The following CYB5B variants were observed in gnomAD, a reference collection of about 807,000 sequenced individuals.
CYB5B encodes cytochrome b5 type B (outer mitochondrial membrane).
CYB5B carries 14 observed loss-of-function variants against 21.3 expected under a neutral mutation model. The observed-to-expected ratio is 0.66, with a 90% CI of 0.43 to 1.03. The LOEUF (loss-of-function observed/expected upper bound fraction) is 1.03. CYB5B is among the 50% of genes least tolerant of loss of function. The pLI is 0.00. For synonymous variants in CYB5B, 69 were observed against 68.4 expected (o/e 1.01, Z -0.04); for missense variants, 166 against 185.1 (o/e 0.90, Z 0.60).
chr16:69,434,862 C>T (rs944276438), intron 1 of CYB5B, among the ~76,000 whole-genome samples: 4 of 116,646 alleles, frequency 3.4e-5, no homozygotes, highest in Non-Finnish European at 5.1e-5. Context: ...GACTTCATCT[C>T]AAAAAAAAAA....
At chr16:69,458,584 A>G (rs1830980966) in intron 3 of CYB5B, among the ~76,000 whole-genome samples, 2 of 152,110 alleles carry the variant, frequency 1.3e-5, no homozygotes, top group African/African-American at 4.8e-5. Flanking sequence ...GTCTCCTGTC[A>G]TAATTATTAT....
chr16:69,424,972 A>C, intron 1 of CYB5B, 115 bp downstream of exon 1: 1 of 1,137,884 alleles, frequency 8.8e-7, no homozygotes, highest in Non-Finnish European at 1.2e-6. Flanking sequence ...AGGCGTAAGA[A>C]AGGGATCACG....
rs142268659 is a variant in CYB5B, at chr16:69,458,219, C to T, written c.334-874C>T. Among the ~76,000 whole-genome samples, 5 of 152,270 alleles carry T rather than the reference C, an allele frequency of 3.3e-5. No homozygotes were observed. The East Asian group carries it at 9.6e-4, about 29-fold the overall frequency. On this transcript the variant is annotated intron_variant, in intron 3 of 4. Coordinates refer to ENST00000307892, the MANE Select transcript of CYB5B (RefSeq NM_030579.3). ...AATGGTTTTTAGTGTATTTACAGAACTGTGCAGTCTATTTTAGAACAATTT... is the reference window on the plus strand; with the variant it reads ...AATGGTTTTTAGTGTATTTACAGAATTGTGCAGTCTATTTTAGAACAATTT...
chr16:69,431,381 T>C (rs1165597381), intron 1 of CYB5B, among the ~76,000 whole-genome samples: 1 of 152,232 alleles, frequency 6.6e-6, no homozygotes, highest in East Asian at 1.9e-4. Flanking sequence ...CCAACAAATA[T>C]TTGTTAAGTT....
intron 1 of CYB5B, among the ~76,000 whole-genome samples, chr16:69,433,597 T>A (rs1040489749): frequency 7.2e-5 from 11 of 152,222 alleles, no homozygotes; most frequent in African/African-American, 2.7e-4. Context: ...AGTATCCTAT[T>A]GATAAACATT....
chr16:69,446,710 A>C (rs2014881672), intron 1 of CYB5B, among the ~76,000 whole-genome samples: 1 of 152,260 alleles, frequency 6.6e-6, no homozygotes, highest in Non-Finnish European at 1.5e-5. Flanking sequence ...CTTTGCCTGG[A>C]GTCCTTAGTC....
chr16:69,445,494 A>T (rs2014868770), intron 1 of CYB5B, among the ~76,000 whole-genome samples: 1 of 152,228 alleles, frequency 6.6e-6, no homozygotes, highest in Non-Finnish European at 1.5e-5. Context: ...AATGGTTGTT[A>T]TAAAAAGTAA....
At chr16:69,434,862 CAA>C (rs569014074) in intron 1 of CYB5B, among the ~76,000 whole-genome samples, 82 of 116,606 alleles carry the variant, frequency 7.0e-4, no homozygotes, top group Middle Eastern at 4.2e-3. Flanking sequence ...GACTTCATCT[CAA>C]AAAAAAAAAA....
chr16:69,452,892 G>C (rs1462804637), intron 3 of CYB5B, among the ~76,000 whole-genome samples: 1 of 151,862 alleles, frequency 6.6e-6, no homozygotes. Context: ...GCAGCTACTC[G>C]GGAGGCTGAG....
At position 69,465,512 on chromosome 16, in the gene CYB5B, C is replaced by T. The variant is rs1217976477; in HGVS notation, c.*2992C>T. The T allele has an allele frequency of 1.3e-5, 2 of 152,174 alleles. No individual in the cohort carries two copies. Among genetic ancestry groups the T allele is most frequent in the African/African-American group, 4.8e-5 (2 of 41,446 alleles). The allele number at this position is 152,174 out of a possible 1,614,324, so 9.4% of individuals were successfully genotyped here. A position where few individuals can be genotyped will look rare whatever the true frequency, so the allele number is the denominator to read the frequency against. On this transcript the variant is annotated 3_prime_UTR_variant, in exon 5 of 5. Transcript: ENST00000307892. ...ACTGCTTAAGCAAAAACAAAAATCC[C>T]TTGGAACCTATCGTTTGAGCCTGTA...
At chr16:69,454,802 T>C (rs1460283693) in intron 3 of CYB5B, among the ~76,000 whole-genome samples, 4 of 152,266 alleles carry the variant, frequency 2.6e-5, no homozygotes, top group African/African-American at 9.6e-5. Context: ...AAAGTCTTTA[T>C]ATACCTTATA....
chr16:69,453,199 T>C (rs1042177634), intron 3 of CYB5B, among the ~76,000 whole-genome samples: 2 of 152,168 alleles, frequency 1.3e-5, no homozygotes, highest in Non-Finnish European at 2.9e-5. Flanking sequence ...TAGTAAATTT[T>C]ACATGTTAGA....
At chr16:69,431,277 C>T (rs551840131) in intron 1 of CYB5B, among the ~76,000 whole-genome samples, 2 of 152,112 alleles carry the variant, frequency 1.3e-5, no homozygotes, top group South Asian at 4.2e-4. Flanking sequence ...GTGTGAGCCA[C>T]GGCACCGGCC....
chr16:69,438,537 ATTT>A (rs34840532), intron 1 of CYB5B, among the ~76,000 whole-genome samples: 1 of 147,938 alleles, frequency 6.8e-6, no homozygotes, highest in East Asian at 2.0e-4. Flanking sequence ...CCATTTTTCG[ATTT>A]TTTTTTTTTA....
intron 3 of CYB5B, chr16:69,449,157 G>T (rs1286150744): frequency 6.6e-6 from 1 of 151,994 alleles, no homozygotes; most frequent in Admixed American, 6.6e-5. Flanking sequence ...TGTAACAACT[G>T]TTGGTTGTTT....
intron 1 of CYB5B, among the ~76,000 whole-genome samples, chr16:69,435,666 C>G (rs1168750458): frequency 6.6e-6 from 1 of 152,120 alleles, no homozygotes; most frequent in Non-Finnish European, 1.5e-5. Flanking sequence ...GAGACGGACT[C>G]TCACTGTGTC....
intron 3 of CYB5B, among the ~76,000 whole-genome samples, chr16:69,454,919 A>T (rs890045816): frequency 6.6e-6 from 1 of 151,908 alleles, no homozygotes; most frequent in African/African-American, 2.4e-5. Flanking sequence ...TTTGAGACAG[A>T]GTGTCACTCT....
At chr16:69,436,389 T>C (rs2014760745) in intron 1 of CYB5B, among the ~76,000 whole-genome samples, 1 of 152,234 alleles carries the variant, frequency 6.6e-6, no homozygotes, top group African/African-American at 2.4e-5. Context: ...AAGTTATGTT[T>C]GGATCTGCAG....
intron 3 of CYB5B, among the ~76,000 whole-genome samples, chr16:69,455,030 A>G (rs1355284398): frequency 2.0e-5 from 3 of 152,050 alleles, no homozygotes; most frequent in Non-Finnish European, 2.9e-5. Context: ...AGTAGCTGGG[A>G]CTACAGGTGT....
Sources: gnomAD v4.1 joint callset for allele counts (sites outside exome capture counted in the v4.1 genomes callset) on GRCh38, gnomAD v4.1.1 for gene constraint, MANE v1.5 for transcripts, NCBI Gene and HGNC (gene_info 2026-07-23, HGNC 2026-07-21) for gene names.